The following TFEC variants were observed in gnomAD, a reference collection of about 807,000 sequenced individuals.
TFEC encodes transcription factor EC.
In TFEC, 31 loss-of-function variants were observed where a neutral mutation model predicts 41.6. That is an observed-to-expected ratio of 0.74 (90% CI 0.56 to 1.01). The LOEUF (loss-of-function observed/expected upper bound fraction) is 1.01. Ranked by LOEUF, TFEC falls within the 50% of genes least tolerant of loss-of-function variation. The pLI is 0.00. For synonymous variants in TFEC, 143 were observed against 140.6 expected, an observed-to-expected ratio of 1.02 and a Z score of -0.12; for missense variants, 402 against 404.1, an observed-to-expected ratio of 0.99 and a Z score of 0.04.
chr7:116,020,494 T>G (rs957247000), intron 1 of TFEC, among the ~76,000 whole-genome samples: 2 of 152,230 alleles, frequency 1.3e-5, no homozygotes, highest in Non-Finnish European at 2.9e-5. Flanking sequence ...TATAGCATTC[T>G]TTAAACTGTG....
At chr7:116,133,432 C>A (rs1199481079) in intron 1 of TFEC, among the ~76,000 whole-genome samples, 1 of 151,848 alleles carries the variant, frequency 6.6e-6, no homozygotes, top group Non-Finnish European at 1.5e-5. Context: ...TGCCAGTATT[C>A]CCAGCTACAC....
At chr7:115,984,163 C>T in intron 2 of TFEC, 99 bp downstream of exon 2, 2 of 1,405,086 alleles carry the variant, frequency 1.4e-6, no homozygotes. Flanking sequence ...GTTACATTTG[C>T]AATCAGAATG....
At chr7:116,111,028 A>C in intron 2 of TFEC, 2 of 536,880 alleles carry the variant, frequency 3.7e-6, no homozygotes, top group African/African-American at 3.9e-5. Flanking sequence ...GTAAATGATA[A>C]GGGAGGTATT....
At chr7:115,946,580 T>C (rs1157667174) in intron 6 of TFEC, among the ~76,000 whole-genome samples, 1 of 150,898 alleles carries the variant, frequency 6.6e-6, no homozygotes, top group Non-Finnish European at 1.5e-5. Flanking sequence ...CATATCAAGC[T>C]TGCTCTTTCC....
At chr7:115,966,053 C>T (rs1327777699) in intron 3 of TFEC, among the ~76,000 whole-genome samples, 1 of 151,668 alleles carries the variant, frequency 6.6e-6, no homozygotes, top group African/African-American at 2.4e-5. Flanking sequence ...CCCAGACTAA[C>T]TCATAGTTTA....
chr7:116,079,545 C>G (rs1159433721), intron 3 of TFEC, among the ~76,000 whole-genome samples: 2 of 152,020 alleles, frequency 1.3e-5, no homozygotes, highest in African/African-American at 4.8e-5. Context: ...AGTGACCAAG[C>G]TGAGAATCAA....
chr7:116,071,000 C>T (rs1394997423), intron 3 of TFEC, among the ~76,000 whole-genome samples: 1 of 151,274 alleles, frequency 6.6e-6, no homozygotes, highest in Non-Finnish European at 1.5e-5. Context: ...TAACTTATAA[C>T]CATCTGTGCT....
chr7:116,081,818 G>A (rs1006404489), intron 3 of TFEC, among the ~76,000 whole-genome samples: 1 of 151,926 alleles, frequency 6.6e-6, no homozygotes, highest in African/African-American at 2.4e-5. Context: ...GTAGCTTTTC[G>A]AACACTGTAT....
At chr7:116,080,011 C>A (rs574194590) in intron 3 of TFEC, among the ~76,000 whole-genome samples, 1 of 152,112 alleles carries the variant, frequency 6.6e-6, no homozygotes, top group South Asian at 2.1e-4. Context: ...GAATAGAAAA[C>A]CTGGAAATAA....
chr7:115,987,786 T>C (rs992661795), intron 1 of TFEC, among the ~76,000 whole-genome samples: 1 of 152,112 alleles, frequency 6.6e-6, no homozygotes, highest in African/African-American at 2.4e-5. Context: ...GTGTTTTATA[T>C]ATATATAAAC....
intron 1 of TFEC, among the ~76,000 whole-genome samples, chr7:116,005,727 T>A (rs934727455): frequency 6.6e-6 from 1 of 152,158 alleles, no homozygotes; most frequent in East Asian, 1.9e-4. Context: ...AGGAGCTGAA[T>A]GTTAATCACC....
chr7:116,000,186 A>G (rs755855042), intron 1 of TFEC, among the ~76,000 whole-genome samples: 2 of 152,162 alleles, frequency 1.3e-5, no homozygotes, highest in Non-Finnish European at 2.9e-5. Context: ...GTGATACATC[A>G]TATCAACAGA....
At chr7:116,028,098 A>G (rs1795654068) in intron 1 of TFEC, among the ~76,000 whole-genome samples, 1 of 152,104 alleles carries the variant, frequency 6.6e-6, no homozygotes, top group Non-Finnish European at 1.5e-5. Context: ...TTACTATTTC[A>G]CTTTTTCAAT....
intron 3 of TFEC, among the ~76,000 whole-genome samples, chr7:116,047,420 G>A (rs932499546): frequency 3.3e-5 from 5 of 152,144 alleles, no homozygotes; most frequent in Non-Finnish European, 5.9e-5. Flanking sequence ...AGCAGTCTGA[G>A]ATTGAACTGC....
At chr7:116,151,689 A>C (rs1241480565) in intron 1 of TFEC, among the ~76,000 whole-genome samples, 1 of 151,970 alleles carries the variant, frequency 6.6e-6, no homozygotes, top group Non-Finnish European at 1.5e-5. Context: ...AAATATGCTT[A>C]TCTCTTAATA....
At chr7:116,039,250 AAAT>A (rs1281625384) in intron 3 of TFEC, among the ~76,000 whole-genome samples, 1 of 152,140 alleles carries the variant, frequency 6.6e-6, no homozygotes. Context: ...TCAGTCCATC[AAAT>A]AATAAGCTGT....
intron 1 of TFEC, among the ~76,000 whole-genome samples, chr7:115,998,509 T>C (rs550179950): frequency 2.0e-5 from 3 of 150,722 alleles, no homozygotes; most frequent in African/African-American, 7.3e-5. Flanking sequence ...TGGACTAAAC[T>C]CTCCAATCAA....
At chr7:116,024,522 C>A (rs1001806857) in intron 1 of TFEC, among the ~76,000 whole-genome samples, 5 of 152,092 alleles carry the variant, frequency 3.3e-5, no homozygotes, top group African/African-American at 1.2e-4. Flanking sequence ...ACATTACTTG[C>A]CCCAAGAGTC....
At chr7:116,105,277 G>C (rs1368169763) in intron 3 of TFEC, among the ~76,000 whole-genome samples, 3 of 152,168 alleles carry the variant, frequency 2.0e-5, no homozygotes. Flanking sequence ...ATGCAGTAGA[G>C]AGTTTGCAAA....
Sources: gnomAD v4.1 joint callset for allele counts (sites outside exome capture counted in the v4.1 genomes callset) on GRCh38, gnomAD v4.1.1 for gene constraint, MANE v1.5 for transcripts, NCBI Gene and HGNC (gene_info 2026-07-23, HGNC 2026-07-21) for gene names.